Variants in ULK4 observed in about 807,000 individuals in gnomAD.
The protein encoded by ULK4 is inactive serine/threonine-protein kinase ULK4.
A neutral mutation model predicts 160.6 loss-of-function variants in ULK4; 133 were observed. The observed-to-expected ratio is 0.83, with a 90% CI of 0.72 to 0.96. ULK4 has a LOEUF of 0.96. ULK4 is among the 40% of genes least tolerant of loss of function. The pLI, the probability that ULK4 is intolerant of heterozygous loss-of-function variation, is 0.00. For synonymous variants in ULK4, 534 were observed against 539.8 expected (o/e 0.99, Z 0.15); for missense variants, 1,580 against 1,499.5 (o/e 1.05, Z -0.89).
At chr3:41,668,950 T>C (rs928831861) in intron 29 of ULK4, among the ~76,000 whole-genome samples, 9 of 152,164 alleles carry the variant, frequency 5.9e-5, no homozygotes, top group African/African-American at 1.7e-4. Flanking sequence ...GAGGAAAAGA[T>C]AACTTGCAGA....
chr3:41,500,961 A>G (rs897478423), intron 32 of ULK4, among the ~76,000 whole-genome samples: 2 of 152,142 alleles, frequency 1.3e-5, no homozygotes, highest in African/African-American at 4.8e-5. Flanking sequence ...AGGTTTATAC[A>G]TTGTTTTAAG....
At chr3:41,350,096 T>C (rs1402779748) in intron 35 of ULK4, among the ~76,000 whole-genome samples, 4 of 152,226 alleles carry the variant, frequency 2.6e-5, no homozygotes, top group Non-Finnish European at 5.9e-5. Flanking sequence ...CCATATTTTA[T>C]GTAAACTTGC....
At chr3:41,323,942 G>A (rs961537807) in intron 35 of ULK4, among the ~76,000 whole-genome samples, 7 of 152,174 alleles carry the variant, frequency 4.6e-5, no homozygotes, top group African/African-American at 1.2e-4. Context: ...AGAAGGCACC[G>A]AAGCTTGCAC....
intron 35 of ULK4, chr3:41,278,270 T>G (rs1473683402): frequency 6.6e-6 from 1 of 152,304 alleles, no homozygotes; most frequent in African/African-American, 2.4e-5. Context: ...GAGGCTTGAG[T>G]AGGTAAACAC....
At chr3:41,830,668 A>G (rs1301660545) in intron 18 of ULK4, among the ~76,000 whole-genome samples, 1 of 152,230 alleles carries the variant, frequency 6.6e-6, no homozygotes, top group African/African-American at 2.4e-5. Context: ...CATTATTGGT[A>G]AGACAGTAGA....
chr3:41,770,599 C>T (rs1157407889), intron 21 of ULK4, among the ~76,000 whole-genome samples: 1 of 150,676 alleles, frequency 6.6e-6, no homozygotes, highest in African/African-American at 2.5e-5. Context: ...AACCTCCAGT[C>T]TCCCAGGTTC....
At chr3:41,747,419 T>G (rs1244030757) in intron 22 of ULK4, among the ~76,000 whole-genome samples, 1 of 151,952 alleles carries the variant, frequency 6.6e-6, no homozygotes, top group African/African-American at 2.4e-5. Flanking sequence ...ATTTGTTCAT[T>G]TCTGGCCTAA....
intron 32 of ULK4, among the ~76,000 whole-genome samples, chr3:41,528,168 G>T (rs952012577): frequency 4.6e-5 from 7 of 152,184 alleles, no homozygotes; most frequent in African/African-American, 1.7e-4. Context: ...GCAGGACACA[G>T]AAATAACCAG....
intron 34 of ULK4, among the ~76,000 whole-genome samples, chr3:41,420,879 T>C (rs969103871): frequency 6.6e-6 from 1 of 150,580 alleles, no homozygotes; most frequent in African/African-American, 2.4e-5. Context: ...TTTGGGAAGC[T>C]GAGGCAGGCA....
At chr3:41,248,098 T>C (rs766931163) in intron 36 of ULK4, among the ~76,000 whole-genome samples, 1 of 152,184 alleles carries the variant, frequency 6.6e-6, no homozygotes, top group Admixed American at 6.5e-5. Flanking sequence ...GGATGTGCTA[T>C]TTTTGGCTAA....
intron 35 of ULK4, among the ~76,000 whole-genome samples, chr3:41,336,062 T>C (rs2080548448): frequency 1.3e-5 from 2 of 152,144 alleles, no homozygotes; most frequent in Admixed American, 1.3e-4. Context: ...ATGTGATCTT[T>C]GCCATGAAGA....
intron 21 of ULK4, among the ~76,000 whole-genome samples, chr3:41,759,012 G>T (rs535345765): frequency 2.0e-3 from 311 of 151,970 alleles, no homozygotes; most frequent in African/African-American, 7.2e-3. Context: ...AGTAACCTAG[G>T]AATAAAAGAG....
intron 35 of ULK4, among the ~76,000 whole-genome samples, chr3:41,387,409 C>A (rs1439940818): frequency 6.6e-6 from 1 of 151,640 alleles, no homozygotes; most frequent in Non-Finnish European, 1.5e-5. Flanking sequence ...TTTTAGGGTA[C>A]ATGTGCACAA....
intron 17 of ULK4, among the ~76,000 whole-genome samples, chr3:41,859,062 C>A (rs1478573927): frequency 6.6e-6 from 1 of 152,156 alleles, no homozygotes; most frequent in African/African-American, 2.4e-5. Context: ...AGTAACATAT[C>A]TCTCAGAAGA....
chr3:41,453,163 G>T (rs1343434455), intron 34 of ULK4, among the ~76,000 whole-genome samples: 1 of 152,042 alleles, frequency 6.6e-6, no homozygotes, highest in African/African-American at 2.4e-5. Flanking sequence ...GTGAAATTGC[G>T]TTTTTTTGTT....
chr3:41,376,447 G>C (rs1301715724), intron 35 of ULK4, among the ~76,000 whole-genome samples: 1 of 150,244 alleles, frequency 6.7e-6, no homozygotes, highest in Non-Finnish European at 1.5e-5. Context: ...CCTCTTTGCA[G>C]ACGACATGAT....
intron 16 of ULK4, among the ~76,000 whole-genome samples, chr3:41,893,962 A>C (rs565762620): frequency 6.6e-6 from 1 of 152,338 alleles, no homozygotes; most frequent in Non-Finnish European, 1.5e-5. Flanking sequence ...GAATGGAGAA[A>C]GAATAAAAGA....
At chr3:41,739,150 G>A (rs2038151199) in intron 22 of ULK4, among the ~76,000 whole-genome samples, 1 of 151,956 alleles carries the variant, frequency 6.6e-6, no homozygotes, top group African/African-American at 2.4e-5. Flanking sequence ...ACTACGTTAA[G>A]TATGCAAAGC....
intron 35 of ULK4, among the ~76,000 whole-genome samples, chr3:41,274,465 C>G (rs1306164276): frequency 6.6e-6 from 1 of 152,202 alleles, no homozygotes; most frequent in Non-Finnish European, 1.5e-5. Flanking sequence ...TTATCTGACT[C>G]TGATACACAT....
Sources: allele counts gnomAD v4.1 joint callset (sites outside exome capture counted in the v4.1 genomes callset), GRCh38; gene constraint gnomAD v4.1.1; transcripts MANE v1.5; gene names NCBI Gene and HGNC (gene_info 2026-07-23, HGNC 2026-07-21).